LRRC55: variants seen among roughly 807,000 people sequenced by gnomAD.
The protein encoded by LRRC55 is leucine rich repeat containing 55, also known as leucine-rich repeat-containing protein 55.
A neutral mutation model predicts 20.5 loss-of-function variants in LRRC55; 11 were observed. That is an observed-to-expected ratio of 0.54 (90% CI 0.34 to 0.89). The LOEUF is 0.89. Among genes scored for constraint, LRRC55 ranks in the 40% least tolerant of loss-of-function variants. LRRC55 has a pLI of 0.02. For missense variants in LRRC55, 358 were observed against 390.9 expected (o/e 0.92, Z 0.71); for synonymous variants, 188 against 166.6 (o/e 1.13, Z -0.99).
At position 57,182,265 on chromosome 11, in the gene LRRC55, G is replaced by A. The variant is rs762291521; in HGVS notation, c.243G>A (p.Pro81=). 4.9e-5 allele frequency: 79 copies of A among 1,614,162 alleles called. No homozygotes were observed. Among genetic ancestry groups the A allele is most frequent in the Non-Finnish European group, 6.0e-5 (71 of 1,180,004 alleles). Residue 81 remains proline (P), a synonymous_variant, in exon 1 of 2, where the codon CCG becomes CCA. Transcript: ENST00000497933. ...CCCACAACCGCATCACAGCAGTGCC[G>A]CCTGGCTACCTCACATGCTACATGG... ...SLAHNRITAV[P]PGYLTCYMEL...
In LRRC55 at chr11:57,189,558, G is replaced by A. The variant is rs940421490; in HGVS notation, c.*2078G>A. On this transcript the variant is annotated 3_prime_UTR_variant, in exon 2 of 2. Transcript: ENST00000497933. ...GTCATGTGAAAAGTAAGATCTTTGGGAATCAAGAAAGGAAGCTGTGTTAAC... is the reference window on the plus strand; with the variant it reads ...GTCATGTGAAAAGTAAGATCTTTGGAAATCAAGAAAGGAAGCTGTGTTAAC... The A allele has an allele frequency of 1.3e-5, 2 of 152,174 alleles. No homozygotes were observed. The highest frequency in any genetic ancestry group is 2.4e-5 in the African/African-American group (1 of 41,424). 9.4% of individuals were successfully genotyped at this position (152,174 alleles called of 1,614,324 possible).
intron 1 of LRRC55, among the ~76,000 whole-genome samples, chr11:57,185,277 T>C (rs1464929583): frequency 3.3e-5 from 4 of 122,184 alleles, no homozygotes; most frequent in East Asian, 2.3e-4. Flanking sequence ...TTTCTTTTTT[T>C]TTTTTTTTTT....
rs1443644150 is a variant in LRRC55 at position 57,182,089 on chromosome 11, C to T, written c.67C>T (p.Leu23Phe). ...CCACCCAGCAATGCTGCTGATCTCC[C>T]TCCTCTTGGCAGCCGGGTTGATGCA... ...PPHPAMLLIS[L>F]LLAAGLMHSD... The change falls in exon 1 of 2, where the codon CTC (leucine) becomes TTC (phenylalanine). Residue 23 changes from leucine (L) to phenylalanine (F), a missense_variant. Physicochemically the swap from Leu to Phe is conservative, Grantham distance 22 (BLOSUM62 0). Coordinates refer to ENST00000497933, the MANE Select transcript of LRRC55 (RefSeq NM_001005210.4). 2 of 1,614,222 alleles carry T rather than the reference C, an allele frequency of 1.2e-6. No individual in the cohort carries two copies.
Position 57,182,071 on chromosome 11 carries a change from G to C in LRRC55, c.49G>C (p.Ala17Pro). 2 of 1,614,194 alleles carry C rather than the reference G, an allele frequency of 1.2e-6. No individual in the cohort carries two copies. Among genetic ancestry groups the C allele is most frequent in the Non-Finnish European group, 1.7e-6 (2 of 1,180,046 alleles). The change falls in exon 1 of 2, where the codon GCA becomes CCA. Residue 17 changes from alanine (A) to proline (P), a missense_variant. Ala to Pro is a conservative substitution (Grantham distance 27, BLOSUM62 -1). Transcript: ENST00000497933. Reference sequence around the variant, plus strand: ...TCCCTGGCCCGGGCCACCCCACCCAGCAATGCTGCTGATCTCCCTCCTCTT... The same window carrying C: ...TCCCTGGCCCGGGCCACCCCACCCACCAATGCTGCTGATCTCCCTCCTCTT... Reference protein sequence around the residue: ...QLPWPGPPHPAMLLISLLLAA... With the variant: ...QLPWPGPPHPPMLLISLLLAA...
rs574103083 is a variant in LRRC55 at position 57,190,008 on chromosome 11, T to G, written c.*2528T>G. On this transcript the variant is annotated 3_prime_UTR_variant, in exon 2 of 2. Coordinates refer to ENST00000497933, the MANE Select transcript of LRRC55 (RefSeq NM_001005210.4). ...AGAACTGTGCCCTGCTCTCTCCTTC[T>G]GTGATGACCAAGGATGGTGAACTCA... The G allele has an allele frequency of 7.2e-5, 11 of 152,344 alleles. No homozygotes were observed. Among genetic ancestry groups the G allele is most frequent in the Admixed American group, 2.6e-4 (4 of 15,300 alleles). The allele number at this position is 152,344 out of a possible 1,614,324, so 9.4% of individuals were successfully genotyped here.
intron 1 of LRRC55, among the ~76,000 whole-genome samples, chr11:57,186,513 G>A (rs1479810350): frequency 6.6e-6 from 1 of 152,130 alleles, no homozygotes; most frequent in Admixed American, 6.5e-5. Flanking sequence ...TTTATTCAGA[G>A]TCTTAAGGAA....
rs1243441033 is a variant in LRRC55 at position 57,188,808 on chromosome 11, G to A, written c.*1328G>A. The stretch of plus-strand genomic sequence containing the variant: ...TCATAAGGTCCAGGCACTCCTCTGG[G>A]CACTTTTATATCTATTGACTCACTT... On this transcript the variant is annotated 3_prime_UTR_variant, in exon 2 of 2. Transcript: ENST00000497933. 6.6e-6 allele frequency: 1 copy of A among 152,182 alleles called. No homozygotes were observed. The allele number at this position is 152,182 out of a possible 1,614,324, so 9.4% of individuals were successfully genotyped here.
chr11:57,182,862 A>G (rs1435891190), intron 1 of LRRC55, among the ~76,000 whole-genome samples, 179 bp downstream of exon 1: 1 of 152,186 alleles, frequency 6.6e-6, no homozygotes, highest in African/African-American at 2.4e-5. Flanking sequence ...CTTCCAGTGC[A>G]TGTGAGGCAC....
At chr11:57,183,650 G>A (rs562968822) in intron 1 of LRRC55, among the ~76,000 whole-genome samples, 51 of 152,296 alleles carry the variant, frequency 3.3e-4, no homozygotes, top group African/African-American at 1.2e-3. Flanking sequence ...GCAGCTCCAA[G>A]ACCTGGATCT....
chr11:57,187,182 G>T, intron 1 of LRRC55, 63 bp from the exon 2 acceptor site: 1 of 1,445,454 alleles, frequency 6.9e-7, no homozygotes, highest in Admixed American at 1.7e-5. Flanking sequence ...GCGGTTGTGG[G>T]TGGACTTTCC....
In LRRC55 at chr11:57,187,896, G is replaced by A. The variant is rs1395998573; in HGVS notation, c.*416G>A. 3 of 283,156 alleles carry A rather than the reference G, an allele frequency of 1.1e-5. No individual in the cohort carries two copies. Among genetic ancestry groups the A allele is most frequent in the Non-Finnish European group, 2.0e-5 (3 of 147,898 alleles). The allele number at this position is 283,156 out of a possible 1,614,324, so 17.5% of individuals were successfully genotyped here. On this transcript the variant is annotated 3_prime_UTR_variant, in exon 2 of 2. Coordinates refer to ENST00000497933, the MANE Select transcript of LRRC55 (RefSeq NM_001005210.4). ...ATATCTACTTTGTCAGGTAGGCAAA[G>A]AAGGGTGTCTGCACATGGCAGAGGC...
At position 57,183,796 on chromosome 11, in the gene LRRC55, C is replaced by T. The variant is rs1423856729; in HGVS notation, c.661+1113C>T. On this transcript the variant is annotated intron_variant, in intron 1 of 1. Coordinates refer to ENST00000497933, the MANE Select transcript of LRRC55 (RefSeq NM_001005210.4). ...ATCCCAACTGGAGGGTGGACTGGGG[C>T]CTGAAGAAGCCCAAATCACATAGGT... Among the ~76,000 whole-genome samples, 13 of 152,168 alleles carry T rather than the reference C, an allele frequency of 8.5e-5. 1 individual carries two copies. The East Asian group carries it at 2.5e-3, about 29-fold the overall frequency.
In LRRC55 at chr11:57,189,797, C is replaced by G. The variant is rs533149351; in HGVS notation, c.*2317C>G. 6.6e-6 allele frequency: 1 copy of G among 152,158 alleles called. No homozygotes were observed. The highest frequency in any genetic ancestry group is 1.5e-5 in the Non-Finnish European group (1 of 68,032). 9.4% of individuals were successfully genotyped at this position (152,158 alleles called of 1,614,324 possible). On this transcript the variant is annotated 3_prime_UTR_variant, in exon 2 of 2. Coordinates refer to ENST00000497933, the MANE Select transcript of LRRC55 (RefSeq NM_001005210.4). ...TCTATCAGCCCATCCTCCTGGAAAG[C>G]CTGAAAGGAATGAAGGAGGCTAATA...
rs941857359 is a variant in LRRC55, at chr11:57,188,449, T to C, written c.*969T>C. ...CAAAGGCAGCACAGTTATGACCATATGAGGCTTTGCATTTTCTTCTAAGCA... is the reference window on the plus strand; with the variant it reads ...CAAAGGCAGCACAGTTATGACCATACGAGGCTTTGCATTTTCTTCTAAGCA... On this transcript the variant is annotated 3_prime_UTR_variant, in exon 2 of 2. Transcript: ENST00000497933. The C allele has an allele frequency of 3.3e-5, 5 of 152,472 alleles. No individual in the cohort carries two copies. Among genetic ancestry groups the C allele is most frequent in the African/African-American group, 9.7e-5 (4 of 41,448 alleles). The allele number at this position is 152,472 out of a possible 1,614,324, so 9.4% of individuals were successfully genotyped here.
At chr11:57,185,270 C>CTTTTTTTTTTTTTTTT (rs58800728) in intron 1 of LRRC55, among the ~76,000 whole-genome samples, 10 of 89,410 alleles carry the variant, frequency 1.1e-4, no homozygotes, top group African/African-American at 2.1e-4. Flanking sequence ...CTTTTCTTTT[C>CTTTTTTTTTTTTTTTT]TTTTTTTTTT....
intron 1 of LRRC55, among the ~76,000 whole-genome samples, chr11:57,185,379 C>T (rs1284731308): frequency 7.0e-6 from 1 of 143,320 alleles, no homozygotes; most frequent in Non-Finnish European, 1.5e-5. Flanking sequence ...CTCCCAGGTT[C>T]AAGCAATTCT....
chr11:57,186,551 C>T (rs1349032761), intron 1 of LRRC55, among the ~76,000 whole-genome samples: 1 of 152,102 alleles, frequency 6.6e-6, no homozygotes, highest in Non-Finnish European at 1.5e-5. Context: ...TGGCATTGAG[C>T]CAAGTCCCAA....
At position 57,189,112 on chromosome 11, in the gene LRRC55, A is replaced by G. The variant is rs946105531; in HGVS notation, c.*1632A>G. The G allele has an allele frequency of 2.6e-5, 4 of 152,212 alleles. No individual in the cohort carries two copies. The highest frequency in any genetic ancestry group is 2.1e-4 in the South Asian group (1 of 4,830). 9.4% of individuals were successfully genotyped at this position (152,212 alleles called of 1,614,324 possible). On this transcript the variant is annotated 3_prime_UTR_variant, in exon 2 of 2. Coordinates refer to ENST00000497933, the MANE Select transcript of LRRC55 (RefSeq NM_001005210.4). ...CTATTTGTTCAGCACCGGATAGTTCATGAGTATTTTTGCATCATTCTCCTT... is the reference window on the plus strand; with the variant it reads ...CTATTTGTTCAGCACCGGATAGTTCGTGAGTATTTTTGCATCATTCTCCTT...
chr11:57,187,290 C>A lies in LRRC55; in HGVS notation c.707C>A (p.Ala236Asp), dbSNP rs770957393. 6.2e-7 allele frequency: 1 copy of A among 1,614,100 alleles called. No homozygotes were observed. The highest frequency in any genetic ancestry group is 8.5e-7 in the Non-Finnish European group (1 of 1,180,030). Residue 236 changes from alanine (A) to aspartate (D), a missense_variant, in exon 2 of 2, where the codon GCC becomes GAC. By Grantham distance (126) the Ala-to-Asp change is moderately radical. This residue lies in a region of LRRC55 where 178 missense variants were observed against 207.9 expected (regional missense o/e 0.86). Coordinates refer to ENST00000497933, the MANE Select transcript of LRRC55 (RefSeq NM_001005210.4). The part of the protein sequence containing the change: ...ECRGPPEVEG[A>D]PLFSLTEESF... ...CGGGGCCCTCCTGAAGTCGAGGGCG[C>A]CCCGCTCTTCTCACTCACTGAGGAG...
Sources: allele counts gnomAD v4.1 joint callset (sites outside exome capture counted in the v4.1 genomes callset), GRCh38; gene constraint gnomAD v4.1.1; regional missense constraint gnomAD v4.1.1; transcripts MANE v1.5; gene names NCBI Gene and HGNC (gene_info 2026-07-23, HGNC 2026-07-21).